Variants in DPP6 observed in about 807,000 individuals in gnomAD.
DPP6 encodes A-type potassium channel modulatory protein DPP6.
DPP6 carries 69 observed loss-of-function variants against 122.6 expected under a neutral mutation model. The ratio of observed to expected loss-of-function variants is 0.56; its 90% CI spans 0.46 to 0.69. The LOEUF is 0.69. Ranked by LOEUF, DPP6 falls within the 30% of genes least tolerant of loss-of-function variation. DPP6 has a pLI of 0.00. For missense variants in DPP6, 928 were observed against 1,116.9 expected (o/e 0.83, Z 2.41); for synonymous variants, 418 against 433.1 (o/e 0.97, Z 0.43).
At chr7:154,563,744 G>T (rs1830571147) in intron 4 of DPP6, among the ~76,000 whole-genome samples, 1 of 152,092 alleles carries the variant, frequency 6.6e-6, no homozygotes, top group African/African-American at 2.4e-5. Flanking sequence ...GGAGTAGAAG[G>T]GTCTCAGCTT....
At chr7:154,383,402 T>A (rs1813799359) in intron 1 of DPP6, among the ~76,000 whole-genome samples, 1 of 152,226 alleles carries the variant, frequency 6.6e-6, no homozygotes, top group South Asian at 2.1e-4. Context: ...AACACTTGCA[T>A]TTGAGTTCGC....
At chr7:154,346,271 C>T (rs889729227) in intron 1 of DPP6, among the ~76,000 whole-genome samples, 3 of 152,140 alleles carry the variant, frequency 2.0e-5, no homozygotes, top group African/African-American at 7.2e-5. Context: ...TCAAGCCTCT[C>T]AAACCTACTT....
intron 1 of DPP6, among the ~76,000 whole-genome samples, chr7:154,420,550 G>A (rs76293033): frequency 0.028 from 4,238 of 152,190 alleles, 187 homozygotes; most frequent in African/African-American, 0.097. Context: ...AAATTTCAGC[G>A]ATGGGGGTGG....
intron 1 of DPP6, among the ~76,000 whole-genome samples, chr7:154,375,314 A>G (rs2151129757): frequency 6.6e-6 from 1 of 152,240 alleles, no homozygotes; most frequent in East Asian, 1.9e-4. Context: ...GAGGTCGACC[A>G]CAATGGCGAG....
intron 1 of DPP6, among the ~76,000 whole-genome samples, chr7:154,203,252 G>A (rs1229777660): frequency 2.6e-5 from 4 of 152,118 alleles, no homozygotes; most frequent in Non-Finnish European, 5.9e-5. Context: ...CTGAAGTTGC[G>A]CAAATACAGG....
chr7:154,396,485 G>C (rs1586155524), intron 1 of DPP6, among the ~76,000 whole-genome samples: 1 of 152,316 alleles, frequency 6.6e-6, no homozygotes, highest in East Asian at 1.9e-4. Context: ...ACTTCAGAGA[G>C]AGTAATTGTC....
chr7:154,826,909 G>A (rs1800196843), intron 16 of DPP6, among the ~76,000 whole-genome samples: 2 of 152,022 alleles, frequency 1.3e-5, no homozygotes, highest in African/African-American at 2.4e-5. Context: ...GACAGCTGTC[G>A]AATGATACAC....
intron 1 of DPP6, among the ~76,000 whole-genome samples, chr7:154,329,312 T>A (rs1200334271): frequency 6.6e-6 from 1 of 152,256 alleles, no homozygotes; most frequent in Non-Finnish European, 1.5e-5. Flanking sequence ...ACTAGCCACA[T>A]GTTGCTGTCG....
chr7:154,029,794 T>C (rs539145288), intron 1 of DPP6, among the ~76,000 whole-genome samples: 5,421 of 149,820 alleles, frequency 0.036, 97 homozygotes, highest in South Asian at 0.078. Flanking sequence ...TGCAGTGAGC[T>C]GAGATCACGC....
rs922574926 is a variant in DPP6 at position 154,282,800 on chromosome 7, G to A, written c.244-163414G>A. ...GATAAATATAGGGTTGATTCCTAAA[G>A]GGTTTAGAAATAACCACAAATAGGC... On this transcript the variant is annotated intron_variant, in intron 1 of 25. Coordinates refer to ENST00000377770, the MANE Select transcript of DPP6 (RefSeq NM_130797.4). This position sits in a 1 kb window ranked among gnomAD's most constrained non-coding sequence, Gnocchi z 4.8. Among the ~76,000 whole-genome samples, 1 of 152,088 alleles carries A rather than the reference G, an allele frequency of 6.6e-6. No individual in the cohort carries two copies. Among genetic ancestry groups the A allele is most frequent in the Non-Finnish European group, 1.5e-5 (1 of 67,982 alleles).
intron 3 of DPP6, among the ~76,000 whole-genome samples, chr7:154,537,457 G>A (rs187697243): frequency 2.4e-3 from 369 of 152,250 alleles, no homozygotes; most frequent in Middle Eastern, 0.01. Flanking sequence ...CTGTTAAAGT[G>A]TCATAACCAC....
intron 3 of DPP6, among the ~76,000 whole-genome samples, chr7:154,504,837 T>C (rs928638443): frequency 6.6e-6 from 1 of 151,872 alleles, no homozygotes; most frequent in East Asian, 1.9e-4. Context: ...AAATTACATG[T>C]TTTTGAAACT....
At chr7:154,089,147 A>T (rs1804634679) in intron 1 of DPP6, among the ~76,000 whole-genome samples, 1 of 152,250 alleles carries the variant, frequency 6.6e-6, no homozygotes, top group South Asian at 2.1e-4. Context: ...AGAGTGACTC[A>T]CAACAGCATA....
At position 154,690,679 on chromosome 7, in the gene DPP6, C is replaced by G. The variant is rs562812802; in HGVS notation, c.762+21238C>G. On this transcript the variant is annotated intron_variant, in intron 7 of 25. Coordinates refer to ENST00000377770, the MANE Select transcript of DPP6 (RefSeq NM_130797.4). ...TTGGACATATCTTCTCCCCATCTTC[C>G]CCTGGACACACCCTACAGAAAGTCC... 1.1e-3 allele frequency among the ~76,000 whole-genome samples: 170 copies of G among 152,126 alleles called. 1 individual carries two copies. The highest frequency in any genetic ancestry group is 1.7e-3 in the Non-Finnish European group (119 of 68,028).
intron 1 of DPP6, among the ~76,000 whole-genome samples, chr7:154,155,774 C>T (rs528700806): frequency 1.6e-4 from 24 of 152,322 alleles, no homozygotes; most frequent in African/African-American, 5.1e-4. Flanking sequence ...CTGGCCCTTG[C>T]CCCACTGTTG....
chr7:154,041,812 T>G (rs977396576), intron 1 of DPP6, among the ~76,000 whole-genome samples: 5 of 152,036 alleles, frequency 3.3e-5, no homozygotes, highest in African/African-American at 9.6e-5. Context: ...TGGAGTGCAG[T>G]GAGTGGTGAA....
chr7:154,465,527 C>A (rs1418238824), intron 2 of DPP6, among the ~76,000 whole-genome samples: 1 of 152,042 alleles, frequency 6.6e-6, no homozygotes, highest in African/African-American at 2.4e-5. Context: ...AAAAACAACT[C>A]TATCAAAAAG....
chr7:153,939,991 G>A (rs756784387), intron 1 of DPP6, among the ~76,000 whole-genome samples: 1 of 152,160 alleles, frequency 6.6e-6, no homozygotes, highest in African/African-American at 2.4e-5. Flanking sequence ...GTAAAGGGAG[G>A]TTAGTGTTTT....
chr7:154,450,352 ACT>A (rs561890558), intron 2 of DPP6, among the ~76,000 whole-genome samples: 8 of 152,166 alleles, frequency 5.3e-5, no homozygotes, highest in African/African-American at 1.2e-4. Context: ...TACATGTATG[ACT>A]CTGTTAATAT....
Sources: allele counts gnomAD v4.1 joint callset (sites outside exome capture counted in the v4.1 genomes callset), GRCh38; gene constraint gnomAD v4.1.1; non-coding constraint Gnocchi (gnomAD v3.1); transcripts MANE v1.5; gene names NCBI Gene and HGNC (gene_info 2026-07-23, HGNC 2026-07-21).